CCDC186: variants seen among roughly 807,000 people sequenced by gnomAD.
CCDC186 encodes coiled-coil domain containing 186.
A neutral mutation model predicts 113.7 loss-of-function variants in CCDC186; 49 were observed. The observed-to-expected ratio is 0.43, with a 90% CI of 0.34 to 0.55. The LOEUF is 0.55. Among genes scored for constraint, CCDC186 ranks in the 20% least tolerant of loss-of-function variants. The pLI is 0.02. For synonymous variants in CCDC186, 355 were observed against 345.8 expected (o/e 1.03, Z -0.30); for missense variants, 890 against 1,011.1 (o/e 0.88, Z 1.62).
rs1415799064 is a variant in CCDC186 at position 114,151,147 on chromosome 10, G to C, written c.833C>G (p.Thr278Arg). 1.9e-6 allele frequency: 3 copies of C among 1,613,520 alleles called. No homozygotes were observed. The highest frequency in any genetic ancestry group is 2.5e-6 in the Non-Finnish European group (3 of 1,179,594). Residue 278 changes from threonine to arginine, a missense_variant, in exon 4 of 16, where the codon ACA becomes AGA. Physicochemically the swap from Thr to Arg is moderately conservative, Grantham distance 71 (BLOSUM62 -1). Transcript: ENST00000369287. ...TAACTGCTGAACTGCATTTTTAGCT[G>C]TAACGTCTTGAGCTATTAGTTGATC... is the stretch of plus-strand genomic sequence containing the variant. ...SRDQLIAQDV[T>R]AKNAVQQLHK...
chr10:114,153,597 C>T (rs530270270), intron 3 of CCDC186, among the ~76,000 whole-genome samples: 143 of 150,218 alleles, frequency 9.5e-4, no homozygotes, highest in Non-Finnish European at 1.6e-3. Flanking sequence ...ACCAGCCTGG[C>T]CAACACTGTG....
At chr10:114,172,431 T>C (rs1323733554) in intron 1 of CCDC186, among the ~76,000 whole-genome samples, 1 of 152,198 alleles carries the variant, frequency 6.6e-6, no homozygotes, top group African/African-American at 2.4e-5. Context: ...CAACTCTACT[T>C]TATGGGTGAA....
At chr10:114,151,437 C>T (rs1007072339) in intron 3 of CCDC186, among the ~76,000 whole-genome samples, 2 of 152,216 alleles carry the variant, frequency 1.3e-5, no homozygotes, top group African/African-American at 2.4e-5. Flanking sequence ...ACCCCTAGAA[C>T]ATCCACAAAG....
chr10:114,149,846 C>A (rs971356305), intron 4 of CCDC186, among the ~76,000 whole-genome samples: 24 of 121,198 alleles, frequency 2.0e-4, no homozygotes, highest in African/African-American at 7.6e-4. Flanking sequence ...GGAAGGCAGG[C>A]AGGCAGGCAG....
intron 9 of CCDC186, among the ~76,000 whole-genome samples, chr10:114,135,327 G>C (rs565859646): frequency 6.6e-6 from 1 of 152,110 alleles, no homozygotes; most frequent in South Asian, 2.1e-4. Flanking sequence ...CTGGCAAGAA[G>C]AACAAATAAG....
intron 6 of CCDC186, among the ~76,000 whole-genome samples, chr10:114,143,877 T>C (rs540624646): frequency 6.6e-6 from 1 of 152,314 alleles, no homozygotes; most frequent in South Asian, 2.1e-4. Flanking sequence ...CAGATTTTTA[T>C]TACCTCTAAT....
chr10:114,171,909 C>T lies in CCDC186; in HGVS notation c.-62+2106G>A, dbSNP rs534510240. On this transcript the variant is annotated intron_variant, in intron 1 of 15. Transcript: ENST00000369287. ...CTTCATCTCAGTATTTTTCCTTTTTCTTACTTTTTAGCCCAAATACATTTT... is the reference window on the plus strand; with the variant it reads ...CTTCATCTCAGTATTTTTCCTTTTTTTTACTTTTTAGCCCAAATACATTTT... Among the ~76,000 whole-genome samples, 5 of 152,220 alleles carry T rather than the reference C, an allele frequency of 3.3e-5. No individual in the cohort carries two copies. The South Asian group carries it at 1.0e-3, about 32-fold the overall frequency.
Position 114,125,179 on chromosome 10 carries a change from G to C in CCDC186, c.2661C>G (p.His887Gln). 2 of 1,610,736 alleles carry C rather than the reference G, an allele frequency of 1.2e-6. No individual in the cohort carries two copies. The highest frequency in any genetic ancestry group is 1.7e-6 in the Non-Finnish European group (2 of 1,178,430). The change falls in exon 16 of 16, where the codon CAC (histidine) becomes CAG (glutamine). Residue 887 changes from histidine (H) to glutamine (Q), a missense_variant. Coordinates refer to ENST00000369287, the MANE Select transcript of CCDC186 (RefSeq NM_018017.4). ...LGTEIERLIK[H>Q]QHELEQRTKK... is the part of the protein sequence containing the mutation. ...TTGTCCTCTGTTCTAGTTCATGCTG[G>C]TGTTTAATAAGACGTTCTATTTCTG... is the stretch of plus-strand genomic sequence containing the variant.
chr10:114,144,277 T>A (rs565192307), intron 6 of CCDC186, among the ~76,000 whole-genome samples: 1 of 152,100 alleles, frequency 6.6e-6, no homozygotes, highest in Non-Finnish European at 1.5e-5. Flanking sequence ...ATGTAAATAA[T>A]GTGAGGACAT....
Position 114,136,174 on chromosome 10 carries a change from T to C in CCDC186, c.1399A>G (p.Met467Val). 5 of 1,613,224 alleles carry C rather than the reference T, an allele frequency of 3.1e-6. No individual in the cohort carries two copies. The highest frequency in any genetic ancestry group is 4.2e-6 in the Non-Finnish European group (5 of 1,179,770). Residue 467 changes from methionine to valine, a missense_variant, in exon 8 of 16, where the codon ATG (methionine) becomes GTG (valine). Coordinates refer to ENST00000369287, the MANE Select transcript of CCDC186 (RefSeq NM_018017.4). ...TCTAGCTGGTCAGATTTTTCTTGCA[T>C]TTGTTTTTCAAGTTCTCCTTTTGTG... is the stretch of plus-strand genomic sequence containing the variant. ...RVTKGELEKQ[M>V]QEKSDQLEMH...
At position 114,123,056 on chromosome 10, in the gene CCDC186, T is replaced by C. The variant is rs1008685878; in HGVS notation, c.*2087A>G. 1.3e-5 allele frequency: 2 copies of C among 152,492 alleles called. No individual in the cohort carries two copies. The highest frequency in any genetic ancestry group is 3.9e-4 in the East Asian group (2 of 5,192). The allele number at this position is 152,492 out of a possible 1,614,324, so 9.4% of individuals were successfully genotyped here. A position where few individuals can be genotyped will look rare whatever the true frequency, so the allele number is the denominator to read the frequency against. ...TGGTCTCCATTATACATTTTGTGCC[T>C]TGGGGAAAAAAATCCAAATATTGTA... On this transcript the variant is annotated 3_prime_UTR_variant, in exon 16 of 16. Transcript: ENST00000369287.
chr10:114,127,412 T>C, intron 14 of CCDC186, 49 bp downstream of exon 14: 1 of 1,521,672 alleles, frequency 6.6e-7, no homozygotes, highest in Non-Finnish European at 9.0e-7. Flanking sequence ...CTTTGCTATA[T>C]GAGTAACGGT....
intron 3 of CCDC186, among the ~76,000 whole-genome samples, chr10:114,155,457 C>G (rs1489627429): frequency 6.6e-6 from 1 of 152,118 alleles, no homozygotes; most frequent in African/African-American, 2.4e-5. Context: ...GGCAGATCAC[C>G]TGAGGTCAGG....
intron 4 of CCDC186, 41 bp from the exon 5 acceptor site, chr10:114,145,802 T>C: frequency 1.3e-6 from 2 of 1,510,892 alleles, no homozygotes; most frequent in Non-Finnish European, 8.9e-7. Context: ...AAAAATAATG[T>C]TTCAAATGGA....
At chr10:114,164,150 C>T (rs1391582385) in intron 1 of CCDC186, among the ~76,000 whole-genome samples, 1 of 121,222 alleles carries the variant, frequency 8.2e-6, no homozygotes, top group African/African-American at 3.2e-5. Context: ...GATAGAGTCT[C>T]ACTGTCGTTG....
At position 114,144,624 on chromosome 10, in the gene CCDC186, A is replaced by T. The variant is rs774786077; in HGVS notation, c.1102-8T>A. ...TCTAGTCGTTTCGCCTTCCTAAAATAATATCACTAGGTCATATATTTTCAT... is the reference window on the plus strand; with the variant it reads ...TCTAGTCGTTTCGCCTTCCTAAAATTATATCACTAGGTCATATATTTTCAT... On this transcript the variant is annotated splice_polypyrimidine_tract_variant and splice_region_variant and intron_variant, in intron 5 of 15. Transcript: ENST00000369287. The T allele has an allele frequency of 1.2e-6, 2 of 1,600,638 alleles. No individual in the cohort carries two copies. The highest frequency in any genetic ancestry group is 1.7e-6 in the Non-Finnish European group (2 of 1,171,406).
intron 1 of CCDC186, among the ~76,000 whole-genome samples, chr10:114,165,513 G>A (rs117078562): frequency 0.012 from 1,888 of 151,902 alleles, 104 homozygotes; most frequent in Admixed American, 0.1. Context: ...CCAAGACGAC[G>A]AAACCCTGTC....
chr10:114,136,045 T>A, intron 8 of CCDC186, 68 bp from the exon 9 acceptor site: 1 of 1,524,328 alleles, frequency 6.6e-7, no homozygotes, highest in South Asian at 1.1e-5. Flanking sequence ...TTATTGCCTG[T>A]TCCTTCCAAA....
chr10:114,134,967 T>C lies in CCDC186; in HGVS notation c.1601A>G (p.Gln534Arg), dbSNP rs755903638. Residue 534 changes from glutamine to arginine, a missense_variant, in exon 10 of 16, where the codon CAG becomes CGG. Coordinates refer to ENST00000369287, the MANE Select transcript of CCDC186 (RefSeq NM_018017.4). Reference protein sequence around the residue: ...EIINRQKAEIQNLLDKVKTAD... With the variant: ...EIINRQKAEIRNLLDKVKTAD... Reference sequence around the variant, plus strand: ...AGTTTTCACCTTGTCCAATAAATTCTGAATTTCAGCTTTTTGGCGATTAAT... The same window carrying C: ...AGTTTTCACCTTGTCCAATAAATTCCGAATTTCAGCTTTTTGGCGATTAAT... 6.2e-7 allele frequency: 1 copy of C among 1,612,766 alleles called. No homozygotes were observed. The highest frequency in any genetic ancestry group is 1.1e-5 in the South Asian group (1 of 90,792).
Sources: allele counts gnomAD v4.1 joint callset (sites outside exome capture counted in the v4.1 genomes callset), GRCh38; gene constraint gnomAD v4.1.1; transcripts MANE v1.5; gene names NCBI Gene and HGNC (gene_info 2026-07-23, HGNC 2026-07-21).